Variants in ATXN2 observed in about 807,000 individuals in gnomAD.
The protein encoded by ATXN2 is ataxin-2.
Under a neutral mutation model 138.6 loss-of-function variants are expected in ATXN2, and 37 were observed. That is an observed-to-expected ratio of 0.27 (90% CI 0.21 to 0.35). The LOEUF is 0.35. ATXN2 is among the 10% of genes least tolerant of loss of function. The pLI, the probability that ATXN2 is intolerant of heterozygous loss-of-function variation, is 1.00. For synonymous variants in ATXN2, 549 were observed against 543.7 expected, an observed-to-expected ratio of 1.01 and a Z score of -0.13; for missense variants, 1,216 against 1,480.3, an observed-to-expected ratio of 0.82 and a Z score of 2.93.
rs1885090593 is a variant in ATXN2 at position 111,598,951 on chromosome 12, C to CTGCTGCTGCTGCTGCTGT, written c.83_84insACAGCAGCAGCAGCAGCA (p.Gln23_Gln28dup). ...GGACATTGGCAGCCGCGGGCGGCGG[C>CTGCTGCTGCTGCTGCTGT]TGCTGCTGCTGCTGCTGCTGCTGCT... On this transcript the variant is annotated inframe_insertion, in exon 1 of 25. Coordinates refer to ENST00000673436, the MANE Select transcript of ATXN2 (RefSeq NM_001372574.1). The surrounding 1 kb of genome is among the most constrained non-coding windows in gnomAD (Gnocchi z 4.5). 1 of 23,230 alleles carries CTGCTGCTGCTGCTGCTGT rather than the reference C, an allele frequency of 4.3e-5. No individual in the cohort carries two copies. Among genetic ancestry groups the CTGCTGCTGCTGCTGCTGT allele is most frequent in the Non-Finnish European group, 6.3e-5 (1 of 15,924 alleles). 1.4% of individuals were successfully genotyped at this position (23,230 alleles called of 1,614,324 possible).
rs943904276 is a variant in ATXN2, at chr12:111,552,522, T to C, written c.421-92A>G. ...GCTCATCAAGGTACCAGTTCTTATA[T>C]GCCTTTGACAAAAATAATCTCAAGA... On this transcript the variant is annotated intron_variant, in intron 4 of 24. Transcript: ENST00000673436. This position sits in a 1 kb window ranked among gnomAD's most constrained non-coding sequence, Gnocchi z 4.1. The C allele has an allele frequency of 7.8e-7, 1 of 1,285,782 alleles. No individual in the cohort carries two copies. The highest frequency in any genetic ancestry group is 1.5e-5 in the South Asian group (1 of 65,050). The allele number at this position is 1,285,782 out of a possible 1,614,324, so 79.6% of individuals were successfully genotyped here. A position where few individuals can be genotyped will look rare whatever the true frequency, so the allele number is the denominator to read the frequency against.
Position 111,453,831 on chromosome 12 carries a change from T to C in ATXN2, c.3285A>G (p.Ser1095=). 1 of 1,612,354 alleles carries C rather than the reference T, an allele frequency of 6.2e-7. No individual in the cohort carries two copies. The highest frequency in any genetic ancestry group is 2.2e-5 in the East Asian group (1 of 44,814). The change falls in exon 24 of 25, where the codon TCA becomes TCG. Residue 1095 remains serine, a synonymous_variant. Coordinates refer to ENST00000673436, the MANE Select transcript of ATXN2 (RefSeq NM_001372574.1). The surrounding 1 kb of genome is among the most constrained non-coding windows in gnomAD (Gnocchi z 5.4). ...CAGTTGGATGAGAAGGAACCATTCCTGACTGTACATGAGCCTGAAACAGAG... is the reference window on the plus strand; with the variant it reads ...CAGTTGGATGAGAAGGAACCATTCCCGACTGTACATGAGCCTGAAACAGAG... ...MAHVPQAHVQ[S]GMVPSHPTAH...
chr12:111,470,012 T>C (rs1876292567), intron 20 of ATXN2, 96 bp downstream of exon 20: 2 of 1,358,546 alleles, frequency 1.5e-6, no homozygotes, highest in Non-Finnish European at 9.9e-7. Flanking sequence ...CTCAATGTCA[T>C]AAAAGGTCAG....
rs143575397 is a variant in ATXN2, at chr12:111,585,137, T to C, written c.251+13647A>G. On this transcript the variant is annotated intron_variant, in intron 1 of 24. Transcript: ENST00000673436. ...TTTAACCTGGTGTTATGAGTCACCATTATGAGCACATTAACTAACTACACT... is the reference window on the plus strand; with the variant it reads ...TTTAACCTGGTGTTATGAGTCACCACTATGAGCACATTAACTAACTACACT... Among the ~76,000 whole-genome samples the C allele has an allele frequency of 3.4e-4, 52 of 152,332 alleles. No homozygotes were observed. The East Asian group carries it at 9.3e-3, about 27-fold the overall frequency.
intron 5 of ATXN2, among the ~76,000 whole-genome samples, chr12:111,547,822 T>G (rs1222952771): frequency 2.0e-5 from 3 of 149,816 alleles, no homozygotes; most frequent in Admixed American, 6.6e-5. Flanking sequence ...GTCTGCATCT[T>G]ATATTGCTTG....
In ATXN2 at chr12:111,520,951, T is replaced by A; in HGVS notation, c.719A>T (p.Asp240Val). 1 of 1,592,758 alleles carries A rather than the reference T, an allele frequency of 6.3e-7. No individual in the cohort carries two copies. The highest frequency in any genetic ancestry group is 8.6e-7 in the Non-Finnish European group (1 of 1,165,134). ...NDVSNGWDPN[D>V]MFRYNEENYG... Reference sequence around the variant, plus strand: ...ATTTTCTTCATTATATCGAAACATATCATTGGGATCCCATCCATTAGACTA... The same window carrying A: ...ATTTTCTTCATTATATCGAAACATAACATTGGGATCCCATCCATTAGACTA... Residue 240 changes from aspartate (D) to valine (V), a missense_variant, in exon 7 of 25, where the codon GAT becomes GTT. By Grantham distance (152) the Asp-to-Val change is radical (BLOSUM62 -3). This residue lies in a region of ATXN2 where 401 missense variants were observed against 528.1 expected (regional missense o/e 0.76). Coordinates refer to ENST00000673436, the MANE Select transcript of ATXN2 (RefSeq NM_001372574.1).
chr12:111,473,305 A>G (rs1876550539), intron 18 of ATXN2, among the ~76,000 whole-genome samples: 1 of 151,962 alleles, frequency 6.6e-6, no homozygotes, highest in African/African-American at 2.4e-5. Flanking sequence ...AAAATTCCAG[A>G]AGTTTATACT....
intron 1 of ATXN2, among the ~76,000 whole-genome samples, chr12:111,572,401 CAA>C (rs11449224): frequency 7.3e-6 from 1 of 136,742 alleles, no homozygotes; most frequent in Non-Finnish European, 1.6e-5. Flanking sequence ...AACTCCATCT[CAA>C]AAAAAAAAAA....
intron 8 of ATXN2, among the ~76,000 whole-genome samples, chr12:111,519,666 G>A (rs1326770278): frequency 6.6e-6 from 1 of 152,104 alleles, no homozygotes; most frequent in Non-Finnish European, 1.5e-5. Context: ...TGCTCACCGT[G>A]ATATACCAAC....
At chr12:111,476,408 G>A (rs1416032035) in intron 18 of ATXN2, among the ~76,000 whole-genome samples, 4 of 151,730 alleles carry the variant, frequency 2.6e-5, no homozygotes, top group Admixed American at 6.6e-5. Context: ...CCTAAAAATG[G>A]GAGCATGGCA....
At chr12:111,532,594 T>C (rs967339282) in intron 5 of ATXN2, among the ~76,000 whole-genome samples, 1 of 152,230 alleles carries the variant, frequency 6.6e-6, no homozygotes, top group Non-Finnish European at 1.5e-5. Flanking sequence ...ACTAGTTGTT[T>C]GTTGCCCATA....
intron 11 of ATXN2, 37 bp downstream of exon 11, chr12:111,513,320 A>G (rs1879652689): frequency 1.4e-5 from 22 of 1,601,782 alleles, no homozygotes; most frequent in Non-Finnish European, 1.9e-5. Flanking sequence ...GTGTAATGAC[A>G]AAATGAGTAC....
intron 14 of ATXN2, among the ~76,000 whole-genome samples, chr12:111,489,379 C>T (rs911571370): frequency 2.0e-5 from 3 of 152,140 alleles, no homozygotes; most frequent in East Asian, 3.9e-4. Flanking sequence ...CTTTGGGAGG[C>T]CAAGGCAGGC....
At chr12:111,534,334 G>A (rs753931384) in intron 5 of ATXN2, among the ~76,000 whole-genome samples, 33 of 151,910 alleles carry the variant, frequency 2.2e-4, no homozygotes, top group Non-Finnish European at 2.9e-4. Flanking sequence ...CTGGGAGGAG[G>A]AGGTTGCGGT....
At chr12:111,549,729 G>A (rs1301914609) in intron 5 of ATXN2, among the ~76,000 whole-genome samples, 1 of 152,056 alleles carries the variant, frequency 6.6e-6, no homozygotes, top group African/African-American at 2.4e-5. Flanking sequence ...ACTACGCACT[G>A]GACGCAATTG....
At chr12:111,554,922 T>C (rs942248933) in intron 2 of ATXN2, among the ~76,000 whole-genome samples, 5 of 152,216 alleles carry the variant, frequency 3.3e-5, no homozygotes, top group African/African-American at 1.2e-4. Context: ...GTGACAGTGC[T>C]TAAGTCTGAT....
At chr12:111,505,897 G>C (rs1475494739) in intron 14 of ATXN2, among the ~76,000 whole-genome samples, 2 of 152,214 alleles carry the variant, frequency 1.3e-5, no homozygotes, top group Non-Finnish European at 2.9e-5. Flanking sequence ...ACTCATGTTT[G>C]TGGCAGTGTT....
intron 1 of ATXN2, 94 bp from the exon 2 acceptor site, chr12:111,556,013 G>C: frequency 9.5e-7 from 1 of 1,048,778 alleles, no homozygotes; most frequent in Non-Finnish European, 1.4e-6. Context: ...TTCAAATAAA[G>C]GAGAGGCTAT....
intron 1 of ATXN2, among the ~76,000 whole-genome samples, chr12:111,568,661 C>T (rs1051940592): frequency 1.7e-4 from 26 of 152,268 alleles, no homozygotes; most frequent in African/African-American, 6.0e-4. Context: ...TAAATGTCAC[C>T]TCCTGAAAGA....
Sources: allele counts gnomAD v4.1 joint callset (sites outside exome capture counted in the v4.1 genomes callset), GRCh38; gene constraint gnomAD v4.1.1; regional missense constraint gnomAD v4.1.1; non-coding constraint Gnocchi (gnomAD v3.1); transcripts MANE v1.5; gene names NCBI Gene and HGNC (gene_info 2026-07-23, HGNC 2026-07-21).